PHF21A: variants seen among roughly 807,000 people sequenced by gnomAD.
The protein encoded by PHF21A is PHD finger protein 21A.
A neutral mutation model predicts 82.5 loss-of-function variants in PHF21A; 11 were observed. The observed-to-expected ratio is 0.13, with a 90% CI of 0.08 to 0.22. PHF21A has a LOEUF of 0.22. PHF21A is among the 10% of genes least tolerant of loss of function. PHF21A has a pLI of 1.00. For synonymous variants in PHF21A, 297 were observed against 302.8 expected (o/e 0.98, Z 0.20); for missense variants, 579 against 837.8 (o/e 0.69, Z 3.81).
intron 15 of PHF21A, among the ~76,000 whole-genome samples, chr11:45,941,548 C>T (rs944696453): frequency 1.3e-5 from 2 of 151,806 alleles, no homozygotes; most frequent in African/African-American, 4.8e-5. Flanking sequence ...TTTATGACTC[C>T]CTGAAAGAGT....
intron 10 of PHF21A, among the ~76,000 whole-genome samples, chr11:45,964,267 TG>T (rs2093303957): frequency 6.8e-6 from 1 of 148,134 alleles, no homozygotes; most frequent in South Asian, 2.1e-4. Flanking sequence ...AAGCACTTCC[TG>T]GGGTTTGAAT....
intron 6 of PHF21A, among the ~76,000 whole-genome samples, chr11:46,044,136 A>G (rs1185071581): frequency 6.6e-6 from 1 of 152,160 alleles, no homozygotes; most frequent in African/African-American, 2.4e-5. Flanking sequence ...CCTAAGCACT[A>G]CTGTTTAAAT....
At chr11:46,035,088 A>G (rs924995351) in intron 6 of PHF21A, among the ~76,000 whole-genome samples, 1 of 152,128 alleles carries the variant, frequency 6.6e-6, no homozygotes, top group South Asian at 2.1e-4. Flanking sequence ...CTGTTCACCT[A>G]TTCCCTCCTT....
chr11:46,026,605 C>T (rs1285087821), intron 6 of PHF21A, among the ~76,000 whole-genome samples: 4 of 152,058 alleles, frequency 2.6e-5, no homozygotes, highest in African/African-American at 9.7e-5. Context: ...GAATGGCTGA[C>T]TGTCTTTTAT....
At chr11:46,031,983 C>G (rs2095875040) in intron 6 of PHF21A, among the ~76,000 whole-genome samples, 3 of 152,164 alleles carry the variant, frequency 2.0e-5, no homozygotes, top group South Asian at 4.1e-4. Context: ...CTCTTCCACA[C>G]TAACATGAAA....
chr11:45,997,932 A>T (rs2094965874), intron 6 of PHF21A, among the ~76,000 whole-genome samples: 1 of 152,156 alleles, frequency 6.6e-6, no homozygotes, highest in African/African-American at 2.4e-5. Flanking sequence ...AAAAAGTGAT[A>T]CACCACAGGC....
intron 15 of PHF21A, among the ~76,000 whole-genome samples, chr11:45,941,698 A>G (rs1342904467): frequency 6.6e-6 from 1 of 152,222 alleles, no homozygotes; most frequent in Non-Finnish European, 1.5e-5. Flanking sequence ...ATACCAGGTC[A>G]AAATGCTTAG....
At chr11:46,026,471 T>C (rs2095748656) in intron 6 of PHF21A, among the ~76,000 whole-genome samples, 1 of 152,202 alleles carries the variant, frequency 6.6e-6, no homozygotes, top group South Asian at 2.1e-4. Context: ...TACCTCTTTT[T>C]GGCCCTTTAA....
chr11:46,013,789 G>A (rs1373909115), intron 6 of PHF21A, among the ~76,000 whole-genome samples: 1 of 152,082 alleles, frequency 6.6e-6, no homozygotes, highest in Non-Finnish European at 1.5e-5. Context: ...AAGTATTTGT[G>A]TATCTAAATA....
chr11:46,011,128 G>A (rs1408830915), intron 6 of PHF21A, among the ~76,000 whole-genome samples: 1 of 152,150 alleles, frequency 6.6e-6, no homozygotes, highest in East Asian at 1.9e-4. Context: ...AACTCCTTGA[G>A]GGAAAGAATT....
chr11:45,931,305 A>T lies in PHF21A; in HGVS notation c.*2663T>A, dbSNP rs546092368. ...TGTGTGGCAACCCCCAGATGGGCCC[A>T]GACAAGTTGAGGGGAAGAGCTCTAG... On this transcript the variant is annotated 3_prime_UTR_variant, in exon 19 of 19. Coordinates refer to ENST00000676320, the MANE Select transcript of PHF21A (RefSeq NM_001352027.3). The T allele has an allele frequency of 4.4e-4, 67 of 152,368 alleles. No homozygotes were observed. Among genetic ancestry groups the T allele is most frequent in the African/African-American group, 1.4e-3 (58 of 41,592 alleles). The allele number at this position is 152,368 out of a possible 1,614,324, so 9.4% of individuals were successfully genotyped here.
intron 15 of PHF21A, among the ~76,000 whole-genome samples, chr11:45,941,528 T>C (rs888502033): frequency 6.6e-6 from 1 of 151,934 alleles, no homozygotes; most frequent in Non-Finnish European, 1.5e-5. Context: ...ATTATGAAAA[T>C]AGCTTTGATT....
At chr11:46,105,905 G>A (rs1269976594) in intron 1 of PHF21A, among the ~76,000 whole-genome samples, 1 of 152,104 alleles carries the variant, frequency 6.6e-6, no homozygotes, top group Admixed American at 6.5e-5. Flanking sequence ...ATAAGTTATT[G>A]GGCTTTTTAT....
chr11:46,049,615 CCT>C, intron 6 of PHF21A: 1 of 399,346 alleles, frequency 2.5e-6, no homozygotes, highest in Non-Finnish European at 5.0e-6. Context: ...GCTCTTCCCA[CCT>C]GTCACAGCAC....
chr11:46,053,523 TTTC>T (rs1440320708), intron 6 of PHF21A, among the ~76,000 whole-genome samples: 1 of 151,956 alleles, frequency 6.6e-6, no homozygotes, highest in African/African-American at 2.4e-5. Flanking sequence ...TCAATTAGTT[TTTC>T]TTCATTATAT....
intron 7 of PHF21A, among the ~76,000 whole-genome samples, chr11:45,971,890 C>CTTTCTTTTTTTTTTTTTTTTTT (rs57081937): frequency 0.19 from 9,474 of 49,850 alleles, 3,486 homozygotes; most frequent in East Asian, 0.29. Flanking sequence ...CTTTTTCTTT[C>CTTTCTTTTTTTTTTTTTTTTTT]TTTTTTTTTT....
In PHF21A at chr11:46,002,457, T is replaced by C. The variant is rs116598319; in HGVS notation, c.154-22491A>G. Among the ~76,000 whole-genome samples the C allele has an allele frequency of 7.6e-3, 1,152 of 152,306 alleles. 10 individuals are homozygous for C. The highest frequency in any genetic ancestry group is 0.027 in the African/African-American group (1,112 of 41,564). ...AACCTACCATATCTCTTTCCATTTATAAATGATGATTTATTTGAGAACCAC... is the reference window on the plus strand; with the variant it reads ...AACCTACCATATCTCTTTCCATTTACAAATGATGATTTATTTGAGAACCAC... On this transcript the variant is annotated intron_variant, in intron 6 of 18. Transcript: ENST00000676320.
intron 6 of PHF21A, among the ~76,000 whole-genome samples, chr11:46,063,511 T>G (rs2096560371): frequency 6.6e-6 from 1 of 152,212 alleles, no homozygotes; most frequent in South Asian, 2.1e-4. Flanking sequence ...GTTCTAATAA[T>G]TTTACAAAAA....
At chr11:45,975,819 T>G (rs1185567533) in intron 7 of PHF21A, among the ~76,000 whole-genome samples, 1 of 152,222 alleles carries the variant, frequency 6.6e-6, no homozygotes, top group African/African-American at 2.4e-5. Context: ...CCTTGGTATA[T>G]GCCAATCACC....
Sources: allele counts gnomAD v4.1 joint callset (sites outside exome capture counted in the v4.1 genomes callset), GRCh38; gene constraint gnomAD v4.1.1; transcripts MANE v1.5; gene names NCBI Gene and HGNC (gene_info 2026-07-23, HGNC 2026-07-21).